The following BAZ1A variants were observed in gnomAD, a reference collection of about 807,000 sequenced individuals.
BAZ1A encodes bromodomain adjacent to zinc finger domain protein 1A.
A neutral mutation model predicts 185.2 loss-of-function variants in BAZ1A; 50 were observed. The ratio of observed to expected loss-of-function variants is 0.27; its 90% confidence interval spans 0.22 to 0.34. BAZ1A has a LOEUF of 0.34. BAZ1A is among the 10% of genes least tolerant of loss of function. BAZ1A has a pLI of 1.00. For synonymous variants in BAZ1A, 571 were observed against 615.6 expected, an observed-to-expected ratio of 0.93 and a Z score of 1.07; for missense variants, 1,356 against 1,839.9, an observed-to-expected ratio of 0.74 and a Z score of 4.81.
At chr14:34,808,734 GC>G (rs1213787074) in intron 5 of BAZ1A, among the ~76,000 whole-genome samples, 3 of 151,850 alleles carry the variant, frequency 2.0e-5, no homozygotes, top group Admixed American at 6.6e-5. Flanking sequence ...ATTCTCCCTT[GC>G]CCCCCAATTA....
At chr14:34,827,321 T>G (rs1340320398) in intron 3 of BAZ1A, among the ~76,000 whole-genome samples, 1 of 152,236 alleles carries the variant, frequency 6.6e-6, no homozygotes, top group Non-Finnish European at 1.5e-5. Flanking sequence ...AGATCCTCTA[T>G]TTCTTAACTT....
At chr14:34,839,811 G>T (rs1455937111) in intron 3 of BAZ1A, among the ~76,000 whole-genome samples, 1 of 139,506 alleles carries the variant, frequency 7.2e-6, no homozygotes, top group African/African-American at 2.7e-5. Context: ...CTGCACTCCA[G>T]CCTGGGCGAC....
In BAZ1A at chr14:34,874,202, A is replaced by G. The variant is rs955935127; in HGVS notation, c.113+290T>C. On this transcript the variant is annotated intron_variant, in intron 2 of 26. Transcript: ENST00000360310. This position sits in a 1 kb window ranked among gnomAD's most constrained non-coding sequence, Gnocchi z 4.7. ...GGGGAGTTTCCGCCGCCCCGCGGCC[A>G]AGAGGGCGGGAGGGCGACAGCAGCG... 3 of 306,906 alleles carry G rather than the reference A, an allele frequency of 9.8e-6. No individual in the cohort carries two copies. Among genetic ancestry groups the G allele is most frequent in the Non-Finnish European group, 1.2e-5 (2 of 164,150 alleles). The allele number at this position is 306,906 out of a possible 1,614,324, so 19.0% of individuals were successfully genotyped here. A position where few individuals can be genotyped will look rare whatever the true frequency, so the allele number is the denominator to read the frequency against.
intron 24 of BAZ1A, among the ~76,000 whole-genome samples, chr14:34,759,169 C>A (rs1363082928): frequency 5.1e-5 from 5 of 97,712 alleles, no homozygotes; most frequent in Middle Eastern, 0.012. Flanking sequence ...TTTACAGCTA[C>A]AGTTTTTTTT....
At chr14:34,811,466 A>AT (rs1195289052) in intron 4 of BAZ1A, among the ~76,000 whole-genome samples, 147 of 149,298 alleles carry the variant, frequency 9.8e-4, no homozygotes, top group Non-Finnish European at 1.7e-3. Context: ...TTAAAATTTT[A>AT]TTTTTTTTTT....
intron 12 of BAZ1A, among the ~76,000 whole-genome samples, chr14:34,791,654 T>G (rs963391067): frequency 6.6e-6 from 1 of 152,232 alleles, no homozygotes; most frequent in African/African-American, 2.4e-5. Context: ...ATGTCCCATC[T>G]TTCTGTACCA....
intron 15 of BAZ1A, 60 bp downstream of exon 15, chr14:34,783,702 G>T: frequency 6.4e-7 from 1 of 1,559,236 alleles, no homozygotes; most frequent in South Asian, 1.2e-5. Flanking sequence ...GTGAAATATG[G>T]TTTTAAATGC....
chr14:34,846,938 A>G (rs2042522461), intron 3 of BAZ1A, among the ~76,000 whole-genome samples: 1 of 152,236 alleles, frequency 6.6e-6, no homozygotes, highest in African/African-American at 2.4e-5. Context: ...ATCCCAAATA[A>G]CAATTTTAAG....
At chr14:34,868,725 A>G (rs2042901526) in intron 2 of BAZ1A, among the ~76,000 whole-genome samples, 1 of 151,184 alleles carries the variant, frequency 6.6e-6, no homozygotes, top group Admixed American at 6.6e-5. Flanking sequence ...CGCTTGAACC[A>G]GGGTGGCAGA....
At chr14:34,855,535 TGGAG>T (rs2042663324) in intron 3 of BAZ1A, among the ~76,000 whole-genome samples, 1 of 152,190 alleles carries the variant, frequency 6.6e-6, no homozygotes, top group East Asian at 1.9e-4. Context: ...TTAACACAAG[TGGAG>T]AATGCAGGGA....
At chr14:34,787,417 G>T (rs113025158) in intron 12 of BAZ1A, among the ~76,000 whole-genome samples, 29,726 of 149,638 alleles carry the variant, frequency 0.2, 3,324 homozygotes, top group Non-Finnish European at 0.26. Context: ...GGGCGCGGTG[G>T]CTCATGCCTG....
rs56094516 is a variant in BAZ1A, at chr14:34,795,031, C to T, written c.1225-144G>A. On this transcript the variant is annotated intron_variant, in intron 10 of 26. Transcript: ENST00000360310. Reference sequence around the variant, plus strand: ...CAACCCTTGCTGTTTATCACAATCACCTTTGAAACTTCTAAAATTATAGAT... The same window carrying T: ...CAACCCTTGCTGTTTATCACAATCATCTTTGAAACTTCTAAAATTATAGAT... 13,058 of 1,121,688 alleles carry T rather than the reference C, an allele frequency of 0.012. 1,100 individuals carry two copies. In the African/African-American group the frequency reaches 0.18, roughly 15 times the overall value. 69.5% of individuals were successfully genotyped at this position (1,121,688 alleles called of 1,614,324 possible).
At chr14:34,860,199 C>T (rs2042745033) in intron 3 of BAZ1A, among the ~76,000 whole-genome samples, 1 of 152,028 alleles carries the variant, frequency 6.6e-6, no homozygotes. Context: ...ACTTCAGGCA[C>T]AATCACCAAT....
Position 34,874,458 on chromosome 14 carries a change from C to T in BAZ1A, c.113+34G>A, listed in dbSNP as rs199753877. 3,025 of 1,565,428 alleles carry T rather than the reference C, an allele frequency of 1.9e-3. 3 individuals are homozygous for T. Among genetic ancestry groups the T allele is most frequent in the Non-Finnish European group, 2.4e-3 (2,772 of 1,137,734 alleles). ...GAGCGCTGCGGGGGGAGTCCCCACA[C>T]CCCCCGCGGCCCCGCACACGGCCCG... is the stretch of plus-strand genomic sequence containing the variant. On this transcript the variant is annotated intron_variant, in intron 2 of 26. Coordinates refer to ENST00000360310, the MANE Select transcript of BAZ1A (RefSeq NM_013448.3). The surrounding 1 kb of genome is among the most constrained non-coding windows in gnomAD (Gnocchi z 4.7).
chr14:34,786,354 C>T, intron 12 of BAZ1A, 133 bp from the exon 13 acceptor site: 1 of 724,924 alleles, frequency 1.4e-6, no homozygotes. Flanking sequence ...ACACTAGGTA[C>T]AAGCAATATT....
intron 25 of BAZ1A, among the ~76,000 whole-genome samples, chr14:34,755,123 A>G (rs927507724): frequency 1.3e-5 from 2 of 152,066 alleles, no homozygotes; most frequent in African/African-American, 4.8e-5. Flanking sequence ...CGCTCTCTCT[A>G]TATATACACA....
At position 34,784,367 on chromosome 14, in the gene BAZ1A, C is replaced by CCAAAAAAAAAAAAAAAAAAAAA. The variant is rs1225939081; in HGVS notation, c.1832-441_1832-440insTTTTTTTTTTTTTTTTTTTTTG. Among the ~76,000 whole-genome samples the CCAAAAAAAAAAAAAAAAAAAAA allele has an allele frequency of 5.1e-4, 39 of 77,180 alleles. 7 individuals are homozygous for CCAAAAAAAAAAAAAAAAAAAAA. Among genetic ancestry groups the CCAAAAAAAAAAAAAAAAAAAAA allele is most frequent in the African/African-American group, 1.1e-3 (18 of 16,420 alleles). 50.6% of individuals were successfully genotyped at this position (77,180 alleles called of 152,430 possible). On this transcript the variant is annotated intron_variant, in intron 14 of 26. Coordinates refer to ENST00000360310, the MANE Select transcript of BAZ1A (RefSeq NM_013448.3). ...TGGGCAACTGAGTGAGACTCTGTCT[C>CCAAAAAAAAAAAAAAAAAAAAA]AAAAAAAAAAAAAAAAAAAAAAAAA...
At chr14:34,826,655 T>G (rs1425813840) in intron 3 of BAZ1A, among the ~76,000 whole-genome samples, 2 of 152,228 alleles carry the variant, frequency 1.3e-5, no homozygotes, top group Non-Finnish European at 2.9e-5. Flanking sequence ...CACAAATTTG[T>G]GAATTTTCTA....
chr14:34,773,515 A>C (rs1161645155), intron 20 of BAZ1A, 57 bp downstream of exon 20: 15 of 1,471,874 alleles, frequency 1.0e-5, no homozygotes, highest in Non-Finnish European at 1.0e-5. Flanking sequence ...AAAAAAAAAA[A>C]AAAACCTTAA....
Sources: gnomAD v4.1 joint callset for allele counts (sites outside exome capture counted in the v4.1 genomes callset) on GRCh38, gnomAD v4.1.1 for gene constraint, Gnocchi (gnomAD v3.1) non-coding constraint, MANE v1.5 for transcripts, NCBI Gene and HGNC (gene_info 2026-07-23, HGNC 2026-07-21) for gene names.